SMG6: variants seen among roughly 807,000 people sequenced by gnomAD.
The protein encoded by SMG6 is telomerase-binding protein EST1A.
In SMG6, 66 loss-of-function variants were observed where a neutral mutation model predicts 142.2. That is an observed-to-expected ratio of 0.46 (90% CI 0.38 to 0.57). SMG6 has a LOEUF of 0.57. Among genes scored for constraint, SMG6 ranks in the 20% least tolerant of loss-of-function variants. The pLI, the probability that SMG6 is intolerant of heterozygous loss-of-function variation, is 0.00. For missense variants in SMG6, 1,793 were observed against 1,832.0 expected (o/e 0.98, Z 0.39); for synonymous variants, 779 against 702.4 (o/e 1.11, Z -1.72).
At chr17:2,113,049 T>C (rs560298892) in intron 13 of SMG6, among the ~76,000 whole-genome samples, 7 of 151,572 alleles carry the variant, frequency 4.6e-5, no homozygotes, top group Admixed American at 2.6e-4. Context: ...TGAGCCACTG[T>C]TCCCAGCCTT....
rs776307931 is a variant in SMG6 at position 2,299,442 on chromosome 17, T to C, written c.1311A>G (p.Gly437=). 2 of 1,613,992 alleles carry C rather than the reference T, an allele frequency of 1.2e-6. No individual in the cohort carries two copies. Among genetic ancestry groups the C allele is most frequent in the Non-Finnish European group, 1.7e-6 (2 of 1,179,996 alleles). ...SAPLGPRLLF[G]SGSKGSRSWG... The stretch of plus-strand genomic sequence containing the variant: ...AACTCCGAGATCCCTTACTACCAGA[T>C]CCAAACAAAAGCCGAGGTCCCAAAG... The change falls in exon 2 of 19, where the codon GGA becomes GGG. Residue 437 remains glycine (G), a synonymous_variant. Transcript: ENST00000263073. This position sits in a 1 kb window ranked among gnomAD's most constrained non-coding sequence, Gnocchi z 4.3.
intron 12 of SMG6, among the ~76,000 whole-genome samples, chr17:2,174,805 G>A (rs147991147): frequency 1.3e-5 from 2 of 152,320 alleles, no homozygotes; most frequent in African/African-American, 2.4e-5. Flanking sequence ...GTTGCAACAC[G>A]TTTCTGTGCA....
chr17:2,170,158 T>TA (rs1348116142), intron 13 of SMG6, among the ~76,000 whole-genome samples: 1 of 152,134 alleles, frequency 6.6e-6, no homozygotes, highest in Non-Finnish European at 1.5e-5. Flanking sequence ...AGGTTTGACA[T>TA]ACCTATTTCA....
chr17:2,174,777 T>C (rs973441011), intron 12 of SMG6, among the ~76,000 whole-genome samples: 1 of 152,064 alleles, frequency 6.6e-6, no homozygotes, highest in African/African-American at 2.4e-5. Flanking sequence ...AATGTTTAAA[T>C]ATGGAAAAAA....
intron 10 of SMG6, among the ~76,000 whole-genome samples, chr17:2,210,386 G>T (rs1002840273): frequency 6.6e-6 from 1 of 151,398 alleles, no homozygotes; most frequent in Non-Finnish European, 1.5e-5. Flanking sequence ...CTCTTGAGTA[G>T]CTGGGACTAC....
chr17:2,129,581 G>GTC (rs2070031238), intron 13 of SMG6, among the ~76,000 whole-genome samples: 1 of 151,844 alleles, frequency 6.6e-6, no homozygotes, highest in Admixed American at 6.6e-5. Flanking sequence ...ACCACTTGAG[G>GTC]TCAGGAGTTC....
chr17:2,147,271 T>C (rs993980087), intron 13 of SMG6, among the ~76,000 whole-genome samples: 2 of 152,086 alleles, frequency 1.3e-5, no homozygotes, highest in African/African-American at 2.4e-5. Flanking sequence ...TGGGTGACTG[T>C]AATCCCAGCT....
intron 13 of SMG6, chr17:2,087,299 C>A: frequency 8.0e-7 from 1 of 1,246,648 alleles, no homozygotes; most frequent in Non-Finnish European, 1.0e-6. Flanking sequence ...CCCATGTTCT[C>A]TAAGACAGTG....
chr17:2,170,944 G>GAATAT (rs34918238), intron 13 of SMG6, among the ~76,000 whole-genome samples: 37 of 152,146 alleles, frequency 2.4e-4, no homozygotes, highest in African/African-American at 8.4e-4. Flanking sequence ...TTCCATATAA[G>GAATAT]AATATATTAA....
At chr17:2,217,816 C>T (rs1287350083) in intron 10 of SMG6, among the ~76,000 whole-genome samples, 1 of 151,858 alleles carries the variant, frequency 6.6e-6, no homozygotes, top group African/African-American at 2.4e-5. Context: ...CGAGACGATC[C>T]TGGCCAACAT....
At chr17:2,269,244 A>G (rs2074494298) in intron 8 of SMG6, among the ~76,000 whole-genome samples, 1 of 140,980 alleles carries the variant, frequency 7.1e-6, no homozygotes, top group Non-Finnish European at 1.5e-5. Context: ...AAAAAAAATT[A>G]GCCGGGTGCA....
chr17:2,197,681 A>G (rs905364304), intron 10 of SMG6, among the ~76,000 whole-genome samples: 3 of 152,224 alleles, frequency 2.0e-5, no homozygotes, highest in East Asian at 1.9e-4. Flanking sequence ...GACAAACCAG[A>G]TATTTCATCA....
At chr17:2,144,766 A>C (rs2070608532) in intron 13 of SMG6, among the ~76,000 whole-genome samples, 1 of 152,152 alleles carries the variant, frequency 6.6e-6, no homozygotes, top group Non-Finnish European at 1.5e-5. Context: ...GTATGAATTC[A>C]GACTCAAAAC....
chr17:2,123,596 G>A (rs1170301131), intron 13 of SMG6, among the ~76,000 whole-genome samples: 1 of 152,168 alleles, frequency 6.6e-6, no homozygotes, highest in Non-Finnish European at 1.5e-5. Flanking sequence ...GAGAGGACAG[G>A]GAAGTGAAAC....
In SMG6 at chr17:2,292,532, CT is replaced by C; in HGVS notation, c.2337+19del. ...ATACTTCCTGCAAAGCACTTTTCCC[CT>C]GTCCACAGGATTTCTTACCGTATAC... On this transcript the variant is annotated intron_variant, in intron 6 of 18. Transcript: ENST00000263073. 1 of 1,612,368 alleles carries C rather than the reference CT, an allele frequency of 6.2e-7. No individual in the cohort carries two copies. Among genetic ancestry groups the C allele is most frequent in the East Asian group, 2.2e-5 (1 of 44,876 alleles).
intron 8 of SMG6, among the ~76,000 whole-genome samples, chr17:2,271,843 T>C (rs930261147): frequency 6.6e-6 from 1 of 152,234 alleles, no homozygotes; most frequent in Non-Finnish European, 1.5e-5. Context: ...GACACTAGCA[T>C]GTTTGAGTTC....
chr17:2,232,932 T>C (rs990498214), intron 10 of SMG6: 6 of 152,268 alleles, frequency 3.9e-5, no homozygotes, highest in African/African-American at 1.4e-4. Flanking sequence ...ACTTTTCCTT[T>C]CATTTTGCCT....
intron 10 of SMG6, among the ~76,000 whole-genome samples, chr17:2,218,507 C>T (rs1254506043): frequency 6.6e-6 from 1 of 152,198 alleles, no homozygotes; most frequent in Non-Finnish European, 1.5e-5. Context: ...GATCGCACCA[C>T]TGCACTCCAG....
chr17:2,157,960 T>C (rs1007350778), intron 13 of SMG6, among the ~76,000 whole-genome samples: 4 of 152,172 alleles, frequency 2.6e-5, no homozygotes, highest in East Asian at 3.8e-4. Flanking sequence ...GGTGCATTTC[T>C]AACCAAAGTC....
Sources: gnomAD v4.1 joint callset for allele counts (sites outside exome capture counted in the v4.1 genomes callset) on GRCh38, gnomAD v4.1.1 for gene constraint, Gnocchi (gnomAD v3.1) non-coding constraint, MANE v1.5 for transcripts, NCBI Gene and HGNC (gene_info 2026-07-23, HGNC 2026-07-21) for gene names.